Variants in SSBP3 observed in about 807,000 individuals in gnomAD.
SSBP3 encodes the protein single-stranded DNA-binding protein 3.
In SSBP3, 5 loss-of-function variants were observed where a neutral mutation model predicts 69.6. That is an observed-to-expected ratio of 0.07 (90% CI 0.04 to 0.15). The LOEUF is 0.15. SSBP3 is among the 10% of genes least tolerant of loss of function. The pLI is 1.00. For missense variants in SSBP3, 312 were observed against 534.0 expected (o/e 0.58, Z 4.10); for synonymous variants, 196 against 193.4 (o/e 1.01, Z -0.11).
intron 1 of SSBP3, among the ~76,000 whole-genome samples, 193 bp downstream of exon 1, chr1:54,405,760 C>G (rs537981740): frequency 0.012 from 1,801 of 151,268 alleles, 37 homozygotes; most frequent in African/African-American, 0.04. Flanking sequence ...CAACCTCCGC[C>G]GGCTCCCAAC....
chr1:54,408,497 A>G (rs1027246996), upstream of SSBP3, among the ~76,000 whole-genome samples: 2 of 152,114 alleles, frequency 1.3e-5, no homozygotes, highest in Non-Finnish European at 2.9e-5. Context: ...AAGGCCCACA[A>G]ATTAGGAGTA....
intron 7 of SSBP3, among the ~76,000 whole-genome samples, chr1:54,253,338 C>T (rs192228986): frequency 5.5e-4 from 83 of 151,424 alleles, no homozygotes; most frequent in African/African-American, 1.8e-3. Flanking sequence ...ACTACAGGCA[C>T]GCGCTGTCAC....
chr1:54,380,503 A>G (rs1382812283), intron 4 of SSBP3, among the ~76,000 whole-genome samples: 1 of 152,200 alleles, frequency 6.6e-6, no homozygotes, highest in Non-Finnish European at 1.5e-5. Context: ...AACATTTTCA[A>G]AAAGAAAACG....
exon 1 of SSBP3, chr1:54,406,305 C>G: frequency 4.5e-6 from 1 of 221,890 alleles, no homozygotes; most frequent in Non-Finnish European, 8.6e-6. Context: ...CCGCTCTCCG[C>G]TCGCTCGCGC....
intron 1 of SSBP3, chr1:54,405,538 G>C (rs934009904): frequency 6.5e-6 from 1 of 153,352 alleles, no homozygotes; most frequent in African/African-American, 2.4e-5. Flanking sequence ...GCGGACAAAA[G>C]GAGGCTTCGG....
chr1:54,354,375 GACCC>G (rs1646829935), intron 4 of SSBP3, among the ~76,000 whole-genome samples: 2 of 152,160 alleles, frequency 1.3e-5, no homozygotes, highest in African/African-American at 4.8e-5. Context: ...CCAATGCTGG[GACCC>G]TCAATGGACT....
intron 4 of SSBP3, among the ~76,000 whole-genome samples, chr1:54,304,503 C>T (rs76344575): frequency 0.024 from 3,579 of 152,234 alleles, 65 homozygotes; most frequent in South Asian, 0.08. Flanking sequence ...GAAGAGAAGC[C>T]AGGTGAGGCT....
At chr1:54,346,461 C>T (rs1646692759) in intron 4 of SSBP3, among the ~76,000 whole-genome samples, 1 of 152,050 alleles carries the variant, frequency 6.6e-6, no homozygotes, top group African/African-American at 2.4e-5. Flanking sequence ...GAATTGTGTA[C>T]CTCCAAAAGA....
At chr1:54,312,320 T>C (rs981512671) in intron 4 of SSBP3, among the ~76,000 whole-genome samples, 1 of 148,378 alleles carries the variant, frequency 6.7e-6, no homozygotes, top group Non-Finnish European at 1.5e-5. Context: ...CCGGACAAGG[T>C]GGCTCACACC....
At chr1:54,234,094 A>G (rs576452412) in intron 14 of SSBP3, among the ~76,000 whole-genome samples, 2 of 151,716 alleles carry the variant, frequency 1.3e-5, no homozygotes, top group South Asian at 2.1e-4. Flanking sequence ...ACTCAGGGTT[A>G]AATGGATTAA....
At chr1:54,278,597 G>A (rs1004032067) in intron 5 of SSBP3, among the ~76,000 whole-genome samples, 2 of 152,216 alleles carry the variant, frequency 1.3e-5, no homozygotes, top group Non-Finnish European at 2.9e-5. Context: ...ATGGAGGTGG[G>A]CAGCTGCTCT....
intron 14 of SSBP3, among the ~76,000 whole-genome samples, chr1:54,235,700 G>A (rs781348717): frequency 2.0e-5 from 3 of 151,706 alleles, no homozygotes; most frequent in Non-Finnish European, 2.9e-5. Context: ...CTCTCACCTC[G>A]GCCTCCCAAC....
At chr1:54,324,957 C>T (rs1388076883) in intron 4 of SSBP3, among the ~76,000 whole-genome samples, 1 of 152,188 alleles carries the variant, frequency 6.6e-6, no homozygotes, top group African/African-American at 2.4e-5. Context: ...CAGAAAGCCG[C>T]TCTGCTCTAC....
chr1:54,355,595 C>T (rs1028568759), intron 4 of SSBP3, among the ~76,000 whole-genome samples: 1 of 152,126 alleles, frequency 6.6e-6, no homozygotes, highest in South Asian at 2.1e-4. Flanking sequence ...GTGATCCACC[C>T]GGCTCAGCCT....
chr1:54,278,171 C>T (rs1296491995), intron 5 of SSBP3, among the ~76,000 whole-genome samples: 1 of 152,220 alleles, frequency 6.6e-6, no homozygotes, highest in African/African-American at 2.4e-5. Context: ...CCCAAGCTGG[C>T]TTCCTGTTAG....
At chr1:54,349,341 T>A (rs1010768954) in intron 4 of SSBP3, among the ~76,000 whole-genome samples, 1 of 152,190 alleles carries the variant, frequency 6.6e-6, no homozygotes, top group Non-Finnish European at 1.5e-5. Flanking sequence ...TGGCACACAG[T>A]AGGCACCCAA....
At chr1:54,298,687 C>G (rs1434004275) in intron 4 of SSBP3, among the ~76,000 whole-genome samples, 1 of 152,060 alleles carries the variant, frequency 6.6e-6, no homozygotes, top group Non-Finnish European at 1.5e-5. Context: ...GAAGAGAGGA[C>G]TTGTCTTGCC....
exon 18 of SSBP3, chr1:54,225,534 A>G: frequency 1.2e-6 from 1 of 855,812 alleles, no homozygotes; most frequent in Middle Eastern, 3.8e-4. Flanking sequence ...ATTCAGAACC[A>G]GACTACAAGG....
chr1:54,356,889 AG>A (rs1646877153), intron 4 of SSBP3: 1 of 152,284 alleles, frequency 6.6e-6, no homozygotes, highest in Non-Finnish European at 1.5e-5. Flanking sequence ...GAATAAATGT[AG>A]GGACTTTCCT....
Sources: allele counts gnomAD v4.1 joint callset (sites outside exome capture counted in the v4.1 genomes callset), GRCh38; gene constraint gnomAD v4.1.1; transcripts MANE v1.5; gene names NCBI Gene and HGNC (gene_info 2026-07-23, HGNC 2026-07-21).